Variants in USP30 observed in about 807,000 individuals in gnomAD.
USP30 encodes the protein ubiquitin specific peptidase 30, also known as ubiquitin carboxyl-terminal hydrolase 30.
USP30 carries 41 observed loss-of-function variants against 68.2 expected under a neutral mutation model. That is an observed-to-expected ratio of 0.60 (90% CI 0.47 to 0.78). The LOEUF (loss-of-function observed/expected upper bound fraction) is 0.78. USP30 is among the 30% of genes least tolerant of loss of function. The probability of loss-of-function intolerance (pLI) is 0.00; values close to 1 mark genes in which losing one functional copy is unlikely to be tolerated. For missense variants in USP30, 522 were observed against 649.4 expected, an observed-to-expected ratio of 0.80 and a Z score of 2.13; for synonymous variants, 229 against 253.7, an observed-to-expected ratio of 0.90 and a Z score of 0.93.
intron 3 of USP30, among the ~76,000 whole-genome samples, chr12:109,059,643 A>G (rs2040997152): frequency 6.6e-6 from 1 of 152,164 alleles, no homozygotes; most frequent in East Asian, 1.9e-4. Flanking sequence ...CCTCCCTAGT[A>G]TCTGGGATTA....
intron 3 of USP30, among the ~76,000 whole-genome samples, chr12:109,031,696 C>G (rs1401916039): frequency 6.6e-6 from 1 of 152,170 alleles, no homozygotes; most frequent in Non-Finnish European, 1.5e-5. Context: ...CCAATAGAAG[C>G]TACAATATGG....
At chr12:109,054,021 G>A (rs960215634) in intron 1 of USP30, 2 of 456,042 alleles carry the variant, frequency 4.4e-6, no homozygotes, top group Admixed American at 4.7e-5. Flanking sequence ...ACCTGCATCT[G>A]TGGGGTTGTT....
chr12:109,056,660 G>A, intron 1 of USP30, 22 bp from the exon 2 acceptor site: 1 of 1,570,690 alleles, frequency 6.4e-7, no homozygotes, highest in African/African-American at 1.4e-5. Flanking sequence ...AGGGAAGACA[G>A]TAAACTTGTT....
Position 109,087,468 on chromosome 12 carries a change from G to A in USP30, c.*1537G>A, listed in dbSNP as rs2041973232. 1 of 152,272 alleles carries A rather than the reference G, an allele frequency of 6.6e-6. No individual in the cohort carries two copies. The highest frequency in any genetic ancestry group is 6.6e-5 in the Admixed American group (1 of 15,264). 9.4% of individuals were successfully genotyped at this position (152,272 alleles called of 1,614,324 possible). A position where few individuals can be genotyped will look rare whatever the true frequency, so the allele number is the denominator to read the frequency against. On this transcript the variant is annotated 3_prime_UTR_variant, in exon 13 of 13. Transcript: ENST00000257548. ...CAGAATATTCTGTGCAGGCTCTCCAGGCTCTGGGCGTCAGGGTGCAAGGGG... is the reference window on the plus strand; with the variant it reads ...CAGAATATTCTGTGCAGGCTCTCCAAGCTCTGGGCGTCAGGGTGCAAGGGG...
chr12:109,039,888 C>A (rs1284855743), intron 3 of USP30, among the ~76,000 whole-genome samples: 1 of 152,128 alleles, frequency 6.6e-6, no homozygotes, highest in Non-Finnish European at 1.5e-5. Flanking sequence ...GGATTACAGG[C>A]GTGAACCACC....
intron 5 of USP30, among the ~76,000 whole-genome samples, chr12:109,072,098 G>A (rs1378942200): frequency 6.6e-6 from 1 of 152,136 alleles, no homozygotes; most frequent in East Asian, 1.9e-4. Flanking sequence ...GAAGAAATAT[G>A]TTTCTATTGC....
chr12:109,086,349 T>C lies in USP30; in HGVS notation c.*418T>C, dbSNP rs2041947910. 1 of 161,384 alleles carries C rather than the reference T, an allele frequency of 6.2e-6. No individual in the cohort carries two copies. Among genetic ancestry groups the C allele is most frequent in the Admixed American group, 6.0e-5 (1 of 16,568 alleles). 10.0% of individuals were successfully genotyped at this position (161,384 alleles called of 1,614,324 possible). On this transcript the variant is annotated 3_prime_UTR_variant, in exon 13 of 13. Transcript: ENST00000257548. ...CATAAAAATTGTTGACAAGAATTAA[T>C]GAAATTATTAAAGGCAACAATTTAG...
At chr12:109,041,179 G>C (rs561973266) in intron 3 of USP30, among the ~76,000 whole-genome samples, 2 of 152,336 alleles carry the variant, frequency 1.3e-5, no homozygotes, top group South Asian at 4.1e-4. Flanking sequence ...AAAGCAATGT[G>C]CTGAAGACTT....
intron 7 of USP30, 62 bp from the exon 8 acceptor site, chr12:109,081,272 C>T: frequency 3.3e-6 from 5 of 1,511,160 alleles, no homozygotes; most frequent in Non-Finnish European, 2.8e-6. Flanking sequence ...ACATATCTTG[C>T]ATCTTTAAAA....
At chr12:109,072,281 G>GTT (rs111762860) in intron 5 of USP30, 24 bp from the exon 6 acceptor site, 711 of 1,330,338 alleles carry the variant, frequency 5.3e-4, no homozygotes, top group African/African-American at 1.1e-3. Flanking sequence ...TTTTCAGTCT[G>GTT]TTTTTTTTTT....
At chr12:109,030,864 T>G (rs1328856807) in intron 3 of USP30, among the ~76,000 whole-genome samples, 4 of 152,172 alleles carry the variant, frequency 2.6e-5, no homozygotes, top group African/African-American at 9.7e-5. Flanking sequence ...TCCACCTGCC[T>G]CGGCCTCCCT....
chr12:109,034,289 T>A (rs1327080570), intron 3 of USP30, among the ~76,000 whole-genome samples: 1 of 152,232 alleles, frequency 6.6e-6, no homozygotes, highest in African/African-American at 2.4e-5. Context: ...CAAATTCCTG[T>A]TTGTTATTGA....
At chr12:109,050,099 G>A (rs917754517), upstream of USP30, among the ~76,000 whole-genome samples, 1 of 152,190 alleles carries the variant, frequency 6.6e-6, no homozygotes, top group East Asian at 1.9e-4. Flanking sequence ...TTCAAGAGCA[G>A]CCTGGCCAAT....
intron 4 of USP30, 80 bp from the exon 5 acceptor site, chr12:109,071,532 G>A: frequency 8.7e-7 from 1 of 1,152,470 alleles, no homozygotes; most frequent in Non-Finnish European, 1.3e-6. Context: ...TTCACTGTAG[G>A]GTGTCTGCCC....
intron 11 of USP30, 78 bp from the exon 12 acceptor site, chr12:109,084,875 T>G: frequency 1.4e-6 from 2 of 1,435,776 alleles, no homozygotes; most frequent in Non-Finnish European, 1.8e-6. Context: ...GGGAGTTAAC[T>G]TTCAAGGTAA....
chr12:109,081,633 A>ATG (rs2041804825), intron 8 of USP30: 6 of 504,140 alleles, frequency 1.2e-5, no homozygotes, highest in African/African-American at 9.1e-5. Context: ...GCACACACAC[A>ATG]CACACACACA....
chr12:109,072,618 G>A (rs908126424), intron 6 of USP30, among the ~76,000 whole-genome samples: 2 of 152,046 alleles, frequency 1.3e-5, no homozygotes, highest in Admixed American at 6.6e-5. Flanking sequence ...ATTGATCCTG[G>A]GAAGAACATA....
chr12:109,063,781 T>C (rs192981875), intron 3 of USP30, among the ~76,000 whole-genome samples: 2 of 152,314 alleles, frequency 1.3e-5, no homozygotes, highest in East Asian at 3.9e-4. Context: ...AATGATAAGT[T>C]ATATTGAGCA....
At chr12:109,054,519 G>A (rs2040779024) in intron 1 of USP30, among the ~76,000 whole-genome samples, 1 of 135,786 alleles carries the variant, frequency 7.4e-6, no homozygotes, top group Non-Finnish European at 1.6e-5. Flanking sequence ...ACTAGAGCAA[G>A]ACACTGTCTC....
Sources: allele counts gnomAD v4.1 joint callset (sites outside exome capture counted in the v4.1 genomes callset), GRCh38; gene constraint gnomAD v4.1.1; transcripts MANE v1.5; gene names NCBI Gene and HGNC (gene_info 2026-07-23, HGNC 2026-07-21).